The following TMTC1 variants were observed in gnomAD, a reference collection of about 807,000 sequenced individuals.
TMTC1 encodes transmembrane O-mannosyltransferase targeting cadherins 1.
TMTC1 carries 73 observed loss-of-function variants against 104.8 expected under a neutral mutation model. The observed-to-expected ratio is 0.70, with a 90% CI of 0.58 to 0.85. TMTC1 has a LOEUF of 0.85. Among genes scored for constraint, TMTC1 ranks in the 40% least tolerant of loss-of-function variants. The probability of loss-of-function intolerance (pLI) is 0.00; values close to 1 mark genes in which losing one functional copy is unlikely to be tolerated. For missense variants in TMTC1, 1,035 were observed against 1,096.1 expected (o/e 0.94, Z 0.79); for synonymous variants, 434 against 428.7 (o/e 1.01, Z -0.15).
At chr12:29,595,191 T>A (rs949139254) in intron 7 of TMTC1, among the ~76,000 whole-genome samples, 1 of 152,184 alleles carries the variant, frequency 6.6e-6, no homozygotes, top group Non-Finnish European at 1.5e-5. Context: ...ACACAAACAT[T>A]CATCTTTTAT....
At chr12:29,538,207 T>A (rs1474219851) in intron 10 of TMTC1, among the ~76,000 whole-genome samples, 1 of 152,216 alleles carries the variant, frequency 6.6e-6, no homozygotes, top group Admixed American at 6.5e-5. Context: ...ACTCATTTCG[T>A]GGACATTTAA....
intron 1 of TMTC1, among the ~76,000 whole-genome samples, chr12:29,778,500 T>C (rs750537559): frequency 4.6e-5 from 7 of 152,226 alleles, no homozygotes; most frequent in African/African-American, 7.2e-5. Context: ...GCTTAATGCA[T>C]TTCTCTTGAT....
chr12:29,566,724 C>T (rs1410028620), intron 9 of TMTC1, among the ~76,000 whole-genome samples: 2 of 152,200 alleles, frequency 1.3e-5, no homozygotes, highest in Non-Finnish European at 2.9e-5. Context: ...TCATTGCCCT[C>T]ATTGCTTACG....
At chr12:29,510,515 C>T (rs1392700276) in intron 17 of TMTC1, among the ~76,000 whole-genome samples, 2 of 152,194 alleles carry the variant, frequency 1.3e-5, no homozygotes, top group Non-Finnish European at 2.9e-5. Context: ...TCATTAAGAT[C>T]AGAGCTTGGG....
At chr12:29,614,348 A>G (rs1946923386) in intron 6 of TMTC1, among the ~76,000 whole-genome samples, 1 of 152,254 alleles carries the variant, frequency 6.6e-6, no homozygotes, top group Non-Finnish European at 1.5e-5. Context: ...CTTCTGAAAC[A>G]TATGGTCACA....
chr12:29,601,266 C>T (rs898566379), intron 7 of TMTC1, among the ~76,000 whole-genome samples: 5 of 152,306 alleles, frequency 3.3e-5, no homozygotes, highest in African/African-American at 9.6e-5. Context: ...ATAAGATACC[C>T]CACAAAGGGT....
chr12:29,594,229 C>G (rs1220253657), intron 7 of TMTC1, among the ~76,000 whole-genome samples: 1 of 152,364 alleles, frequency 6.6e-6, no homozygotes, highest in East Asian at 1.9e-4. Flanking sequence ...TCTTCTACAG[C>G]ACAGTCATCT....
intron 1 of TMTC1, among the ~76,000 whole-genome samples, chr12:29,772,909 A>T (rs1943626622): frequency 6.6e-6 from 1 of 152,232 alleles, no homozygotes; most frequent in Non-Finnish European, 1.5e-5. Context: ...CACTCAGCAT[A>T]CAATAGATTC....
chr12:29,628,775 C>T (rs929168758), intron 6 of TMTC1, among the ~76,000 whole-genome samples: 6 of 152,062 alleles, frequency 3.9e-5, no homozygotes, highest in Non-Finnish European at 8.8e-5. Context: ...GATTCTTCCA[C>T]CTCAGCCTGC....
chr12:29,741,897 T>C (rs1422311988), intron 5 of TMTC1, among the ~76,000 whole-genome samples: 1 of 152,192 alleles, frequency 6.6e-6, no homozygotes. Flanking sequence ...CAAATTACAT[T>C]GGGGATAAAT....
intron 5 of TMTC1, among the ~76,000 whole-genome samples, chr12:29,692,026 A>C (rs1941283040): frequency 6.9e-6 from 1 of 145,388 alleles, no homozygotes; most frequent in Non-Finnish European, 1.5e-5. Context: ...TCAGCTCATG[A>C]GCACATTGTG....
intron 6 of TMTC1, 74 bp from the exon 7 acceptor site, chr12:29,604,373 T>G: frequency 6.3e-7 from 1 of 1,589,168 alleles, no homozygotes; most frequent in Non-Finnish European, 8.6e-7. Context: ...ACCATCTCCT[T>G]CACTTTCAGG....
intron 10 of TMTC1, among the ~76,000 whole-genome samples, chr12:29,542,083 T>C (rs956738208): frequency 2.0e-5 from 3 of 152,240 alleles, no homozygotes; most frequent in Admixed American, 6.5e-5. Context: ...TTTTCTTCTC[T>C]GAACTGACCA....
chr12:29,724,564 A>G (rs939876752), intron 5 of TMTC1, among the ~76,000 whole-genome samples: 2 of 152,220 alleles, frequency 1.3e-5, no homozygotes, highest in Admixed American at 6.5e-5. Context: ...CATTACATAG[A>G]GTATTACACA....
chr12:29,736,053 C>G (rs1194549460), intron 5 of TMTC1, among the ~76,000 whole-genome samples: 1 of 152,054 alleles, frequency 6.6e-6, no homozygotes, highest in African/African-American at 2.4e-5. Context: ...TCGTCCAGTC[C>G]ATTCTCTCTG....
intron 10 of TMTC1, among the ~76,000 whole-genome samples, chr12:29,541,401 C>A (rs1251115465): frequency 6.6e-6 from 1 of 152,148 alleles, no homozygotes; most frequent in Non-Finnish European, 1.5e-5. Context: ...ATTATCTGAC[C>A]CCCATGCATC....
At chr12:29,777,356 G>A (rs1030132322) in intron 1 of TMTC1, among the ~76,000 whole-genome samples, 4 of 152,128 alleles carry the variant, frequency 2.6e-5, no homozygotes, top group African/African-American at 9.7e-5. Context: ...GTCTCCCAAA[G>A]TGCTGGAATT....
intron 10 of TMTC1, among the ~76,000 whole-genome samples, chr12:29,554,711 A>G (rs1025956821): frequency 1.3e-4 from 20 of 152,130 alleles, no homozygotes; most frequent in African/African-American, 4.8e-4. Flanking sequence ...TCTACAAAAA[A>G]TACAAAAAGC....
intron 17 of TMTC1, among the ~76,000 whole-genome samples, chr12:29,507,942 C>T (rs1421104494): frequency 6.6e-6 from 1 of 152,188 alleles, no homozygotes; most frequent in African/African-American, 2.4e-5. Flanking sequence ...ATTTCCATCA[C>T]AATTAAAAAT....
Sources: allele counts gnomAD v4.1 joint callset (sites outside exome capture counted in the v4.1 genomes callset), GRCh38; gene constraint gnomAD v4.1.1; transcripts MANE v1.5; gene names NCBI Gene and HGNC (gene_info 2026-07-23, HGNC 2026-07-21).